AGBL4: variants seen among roughly 807,000 people sequenced by gnomAD.
AGBL4 encodes the protein AGBL carboxypeptidase 4.
In AGBL4, 58 loss-of-function variants were observed where a neutral mutation model predicts 66.4. The observed-to-expected ratio is 0.87, with a 90% CI of 0.71 to 1.09. The LOEUF (loss-of-function observed/expected upper bound fraction) is 1.09. Among genes scored for constraint, AGBL4 ranks in the 50% least tolerant of loss-of-function variants. The probability of loss-of-function intolerance (pLI) is 0.00; values close to 1 mark genes in which losing one functional copy is unlikely to be tolerated. For missense variants in AGBL4, 579 were observed against 631.0 expected (o/e 0.92, Z 0.88); for synonymous variants, 234 against 222.9 (o/e 1.05, Z -0.44).
At chr1:49,136,382 T>C (rs1214611725) in intron 4 of AGBL4, among the ~76,000 whole-genome samples, 1 of 152,176 alleles carries the variant, frequency 6.6e-6, no homozygotes, top group East Asian at 1.9e-4. Context: ...GGAATTTGCC[T>C]AAAGCTGAAT....
chr1:48,838,833 A>G (rs1395932270), intron 6 of AGBL4, among the ~76,000 whole-genome samples: 3 of 152,120 alleles, frequency 2.0e-5, no homozygotes, highest in Non-Finnish European at 4.4e-5. Flanking sequence ...ACTCAACTCA[A>G]TAGCAAGAAA....
intron 8 of AGBL4, among the ~76,000 whole-genome samples, chr1:48,648,291 G>A (rs1474757703): frequency 1.3e-5 from 2 of 152,124 alleles, no homozygotes; most frequent in East Asian, 1.9e-4. Context: ...CTTGAAGAAC[G>A]TCATGTAAGT....
intron 3 of AGBL4, among the ~76,000 whole-genome samples, chr1:49,265,344 T>C (rs1643894492): frequency 6.6e-6 from 1 of 152,154 alleles, no homozygotes. Flanking sequence ...TGGTGTGAAA[T>C]GGGCAGAACT....
intron 4 of AGBL4, among the ~76,000 whole-genome samples, chr1:49,219,679 A>T (rs1649348291): frequency 6.6e-6 from 1 of 152,204 alleles, no homozygotes; most frequent in African/African-American, 2.4e-5. Context: ...AAAAGCTTAT[A>T]GATGTGACCA....
chr1:49,364,554 T>C (rs1395508260), intron 3 of AGBL4, among the ~76,000 whole-genome samples: 1 of 152,102 alleles, frequency 6.6e-6, no homozygotes, highest in East Asian at 1.9e-4. Flanking sequence ...CTCAGCTTGC[T>C]GCAACCTCTG....
At chr1:49,639,075 A>G (rs1645731130) in intron 3 of AGBL4, among the ~76,000 whole-genome samples, 1 of 152,176 alleles carries the variant, frequency 6.6e-6, no homozygotes, top group Non-Finnish European at 1.5e-5. Flanking sequence ...ATCAGGGGGT[A>G]GCAGCAGTGT....
At chr1:48,854,797 T>G (rs1190714458) in intron 6 of AGBL4, among the ~76,000 whole-genome samples, 1 of 152,210 alleles carries the variant, frequency 6.6e-6, no homozygotes, top group East Asian at 1.9e-4. Context: ...GTGAGTCTCT[T>G]GTTTTTCCTA....
intron 2 of AGBL4, among the ~76,000 whole-genome samples, chr1:49,767,546 T>C (rs1643921520): frequency 6.6e-6 from 1 of 151,218 alleles, no homozygotes; most frequent in African/African-American, 2.4e-5. Flanking sequence ...GCATCTAGAG[T>C]ATAAAATGAA....
intron 5 of AGBL4, among the ~76,000 whole-genome samples, chr1:49,043,087 A>G (rs995146620): frequency 3.3e-5 from 5 of 152,180 alleles, no homozygotes; most frequent in African/African-American, 1.2e-4. Context: ...TATGTCTGGT[A>G]AATATTCATC....
In AGBL4 at chr1:49,948,019, TATATATAA is replaced by T. The variant is rs1318026748; in HGVS notation, c.34+75736_34+75743del. 3.0e-4 allele frequency among the ~76,000 whole-genome samples: 26 copies of T among 86,612 alleles called. 1 individual carries two copies. The highest frequency in any genetic ancestry group is 1.0e-3 in the African/African-American group (16 of 16,056). The allele number at this position is 86,612 out of a possible 152,430, so 56.8% of individuals were successfully genotyped here. A position where few individuals can be genotyped will look rare whatever the true frequency, so the allele number is the denominator to read the frequency against. ...ATATAAATATATATAAATATATAAATATATATAAATATATATACATATAAATATATAAA... is the reference window on the plus strand; with the variant it reads ...ATATAAATATATATAAATATATAAATATATATATACATATAAATATATAAA... On this transcript the variant is annotated intron_variant, in intron 1 of 13. Coordinates refer to ENST00000371839, the MANE Select transcript of AGBL4 (RefSeq NM_032785.4).
intron 1 of AGBL4, among the ~76,000 whole-genome samples, chr1:49,885,132 T>A (rs1647883297): frequency 6.6e-6 from 1 of 151,974 alleles, no homozygotes; most frequent in Admixed American, 6.6e-5. Context: ...ATGACACGTA[T>A]TTCACCTCAG....
chr1:49,493,106 C>T (rs1274995471), intron 3 of AGBL4, among the ~76,000 whole-genome samples: 1 of 151,970 alleles, frequency 6.6e-6, no homozygotes, highest in Non-Finnish European at 1.5e-5. Flanking sequence ...ATTAAATTGC[C>T]TCCCACTGGG....
chr1:49,092,860 C>T (rs1645027087), intron 4 of AGBL4, among the ~76,000 whole-genome samples: 1 of 152,150 alleles, frequency 6.6e-6, no homozygotes, highest in Admixed American at 6.6e-5. Flanking sequence ...GGCCCAACTG[C>T]TTGCAGTTAC....
At chr1:48,580,746 C>T (rs1170541436) in intron 11 of AGBL4, among the ~76,000 whole-genome samples, 1 of 152,136 alleles carries the variant, frequency 6.6e-6, no homozygotes, top group African/African-American at 2.4e-5. Flanking sequence ...CTTGTGAGTA[C>T]TGCCTGTTCA....
chr1:49,919,723 A>T (rs1212465856), intron 1 of AGBL4, among the ~76,000 whole-genome samples: 3 of 152,096 alleles, frequency 2.0e-5, no homozygotes, highest in Non-Finnish European at 2.9e-5. Flanking sequence ...TTCTTCACAG[A>T]ATTGGAAAAA....
chr1:49,266,671 T>C (rs925761422), intron 3 of AGBL4, among the ~76,000 whole-genome samples: 1 of 149,658 alleles, frequency 6.7e-6, no homozygotes, highest in African/African-American at 2.5e-5. Flanking sequence ...GAAGGAGAGG[T>C]GAATTTTTGC....
chr1:49,417,644 C>T (rs1381860918), intron 3 of AGBL4, among the ~76,000 whole-genome samples: 1 of 152,022 alleles, frequency 6.6e-6, no homozygotes, highest in East Asian at 1.9e-4. Flanking sequence ...AGGATTGAAA[C>T]AAGAAATGGG....
chr1:49,323,655 G>A (rs993211972), intron 3 of AGBL4, among the ~76,000 whole-genome samples: 4 of 151,460 alleles, frequency 2.6e-5, no homozygotes, highest in Admixed American at 6.6e-5. Context: ...AGGTGGTGGC[G>A]GGTGCCGGTA....
chr1:48,991,238 C>A (rs1164277288), intron 5 of AGBL4, among the ~76,000 whole-genome samples: 4 of 152,166 alleles, frequency 2.6e-5, no homozygotes, highest in African/African-American at 9.7e-5. Context: ...GCTGAATGTA[C>A]TACTATAGTG....
Sources: allele counts gnomAD v4.1 joint callset (sites outside exome capture counted in the v4.1 genomes callset), GRCh38; gene constraint gnomAD v4.1.1; transcripts MANE v1.5; gene names NCBI Gene and HGNC (gene_info 2026-07-23, HGNC 2026-07-21).